Variants in ANKH observed in about 807,000 individuals in gnomAD.
ANKH encodes ANKH inorganic pyrophosphate transport regulator.
A neutral mutation model predicts 49.0 loss-of-function variants in ANKH; 15 were observed. That is an observed-to-expected ratio of 0.31 (90% CI 0.20 to 0.47). The LOEUF (loss-of-function observed/expected upper bound fraction) is 0.47. Among genes scored for constraint, ANKH ranks in the 20% least tolerant of loss-of-function variants. The probability of loss-of-function intolerance (pLI) is 1.00; values close to 1 mark genes in which losing one functional copy is unlikely to be tolerated. For missense variants in ANKH, 429 were observed against 652.0 expected, an observed-to-expected ratio of 0.66 and a Z score of 3.72; for synonymous variants, 273 against 260.0, an observed-to-expected ratio of 1.05 and a Z score of -0.48.
At chr5:14,793,072 TATATAAAA>T (rs1308897452) in intron 1 of ANKH, among the ~76,000 whole-genome samples, 5 of 107,432 alleles carry the variant, frequency 4.7e-5, no homozygotes, top group Admixed American at 1.0e-4. Context: ...TATATATAAA[TATATAAAA>T]ATATATATAT....
chr5:14,871,693 C>G lies in ANKH; in HGVS notation c.-246G>C. 6.2e-6 allele frequency: 1 copy of G among 161,000 alleles called. No homozygotes were observed. The highest frequency in any genetic ancestry group is 1.3e-5 in the Non-Finnish European group (1 of 76,240). The allele number at this position is 161,000 out of a possible 1,614,324, so 10.0% of individuals were successfully genotyped here. ...TGCTGCCCTCCCACACAACAAAGAT[C>G]TGCCGGGAAAAAAAAGAGGAGGGAC... is the stretch of plus-strand genomic sequence containing the variant. On this transcript the variant is annotated 5_prime_UTR_variant, in exon 1 of 12. Coordinates refer to ENST00000284268, the MANE Select transcript of ANKH (RefSeq NM_054027.6).
At chr5:14,774,788 T>G (rs1739558882) in intron 1 of ANKH, among the ~76,000 whole-genome samples, 1 of 152,172 alleles carries the variant, frequency 6.6e-6, no homozygotes, top group Non-Finnish European at 1.5e-5. Flanking sequence ...GACCTTTGTT[T>G]CACTGCTACA....
chr5:14,784,589 C>A (rs1194861476), intron 1 of ANKH, among the ~76,000 whole-genome samples: 1 of 152,114 alleles, frequency 6.6e-6, no homozygotes, highest in South Asian at 2.1e-4. Flanking sequence ...CTGTAGTGCC[C>A]TCATAAAGAA....
intron 9 of ANKH, among the ~76,000 whole-genome samples, chr5:14,714,849 A>G (rs1429188313): frequency 6.6e-6 from 1 of 152,240 alleles, no homozygotes; most frequent in African/African-American, 2.4e-5. Flanking sequence ...ATACTCAGCT[A>G]TAGCCTGCTC....
chr5:14,746,074 C>T lies in ANKH; in HGVS notation c.823-112G>A, dbSNP rs111650250. 4,602 of 811,314 alleles carry T rather than the reference C, an allele frequency of 5.7e-3. 18 individuals are homozygous for T. The highest frequency in any genetic ancestry group is 0.012 in the African/African-American group (702 of 59,638). The allele number at this position is 811,314 out of a possible 1,614,324, so 50.3% of individuals were successfully genotyped here. On this transcript the variant is annotated intron_variant, in intron 6 of 11. Coordinates refer to ENST00000284268, the MANE Select transcript of ANKH (RefSeq NM_054027.6). ...AGGTGCAGCCACTGAGGACAGAGCC[C>T]GCTACACTGGGTGACAAACATCAGG... is the stretch of plus-strand genomic sequence containing the variant.
chr5:14,772,466 T>C (rs373120933), intron 1 of ANKH, among the ~76,000 whole-genome samples: 2 of 152,212 alleles, frequency 1.3e-5, no homozygotes, highest in Admixed American at 1.3e-4. Context: ...TCTCTAATTG[T>C]TTTCCTTTTT....
intron 8 of ANKH, among the ~76,000 whole-genome samples, chr5:14,735,118 C>T (rs575185917): frequency 5.4e-4 from 82 of 152,326 alleles, no homozygotes; most frequent in Non-Finnish European, 9.4e-4. Context: ...TCAGTAGCTA[C>T]GGTGTCAATA....
chr5:14,748,354 G>C (rs538464679), intron 6 of ANKH, among the ~76,000 whole-genome samples: 3 of 152,362 alleles, frequency 2.0e-5, no homozygotes, highest in Admixed American at 6.5e-5. Context: ...ACTCTGGCTG[G>C]AGACATGCTG....
At chr5:14,715,792 C>T (rs1176881854) in intron 9 of ANKH, among the ~76,000 whole-genome samples, 3 of 152,202 alleles carry the variant, frequency 2.0e-5, no homozygotes, top group Non-Finnish European at 2.9e-5. Flanking sequence ...CTGATTTAAT[C>T]TAGAACAACC....
intron 8 of ANKH, among the ~76,000 whole-genome samples, chr5:14,734,596 G>A (rs905221526): frequency 2.0e-5 from 3 of 152,222 alleles, no homozygotes; most frequent in African/African-American, 7.2e-5. Context: ...GGTGGAACTC[G>A]GGTCAGGCAG....
intron 1 of ANKH, among the ~76,000 whole-genome samples, chr5:14,829,958 T>A (rs1229806460): frequency 6.6e-6 from 1 of 152,186 alleles, no homozygotes; most frequent in African/African-American, 2.4e-5. Flanking sequence ...ATTATCAATA[T>A]TCTATTTCTG....
At chr5:14,793,058 A>ATATATATATATAT (rs145425597) in intron 1 of ANKH, among the ~76,000 whole-genome samples, 1 of 85,414 alleles carries the variant, frequency 1.2e-5, no homozygotes, top group Non-Finnish European at 2.2e-5. Context: ...AAATATATAT[A>ATATATATATATAT]AAATATATAT....
At chr5:14,818,084 G>GAAA (rs34211280) in intron 1 of ANKH, among the ~76,000 whole-genome samples, 3 of 130,696 alleles carry the variant, frequency 2.3e-5, no homozygotes, top group African/African-American at 2.9e-5. Flanking sequence ...AAAAAAAAAG[G>GAAA]AAAAAAAAAA....
At chr5:14,821,617 C>T (rs1467971192) in intron 1 of ANKH, among the ~76,000 whole-genome samples, 1 of 152,180 alleles carries the variant, frequency 6.6e-6, no homozygotes, top group Non-Finnish European at 1.5e-5. Flanking sequence ...AAAACATAAA[C>T]ATTCACTAAG....
chr5:14,736,786 G>T (rs1478602170), intron 8 of ANKH, among the ~76,000 whole-genome samples: 1 of 152,168 alleles, frequency 6.6e-6, no homozygotes, highest in Non-Finnish European at 1.5e-5. Context: ...GCACAAAAGT[G>T]CCTGGCTGGC....
At chr5:14,789,314 A>G (rs776799982) in intron 1 of ANKH, among the ~76,000 whole-genome samples, 1 of 152,212 alleles carries the variant, frequency 6.6e-6, no homozygotes, top group Non-Finnish European at 1.5e-5. Context: ...CCTCAATGTT[A>G]GAATCGTTTT....
intron 2 of ANKH, 162 bp downstream of exon 2, chr5:14,768,813 A>G: frequency 2.6e-6 from 2 of 762,322 alleles, no homozygotes; most frequent in Non-Finnish European, 4.4e-6. Context: ...TATTGTCTTA[A>G]GCTAGGAGCA....
intron 8 of ANKH, among the ~76,000 whole-genome samples, chr5:14,721,744 C>T (rs547549233): frequency 1.3e-5 from 2 of 151,940 alleles, no homozygotes; most frequent in South Asian, 2.1e-4. Flanking sequence ...TCCTGGCTAA[C>T]ACGGTGAAAC....
intron 1 of ANKH, among the ~76,000 whole-genome samples, chr5:14,829,287 A>T (rs2126596224): frequency 6.6e-6 from 1 of 152,256 alleles, no homozygotes; most frequent in African/African-American, 2.4e-5. Context: ...GAAGAGTACA[A>T]GAGAATCCAG....
Sources: allele counts gnomAD v4.1 joint callset (sites outside exome capture counted in the v4.1 genomes callset), GRCh38; gene constraint gnomAD v4.1.1; transcripts MANE v1.5; gene names NCBI Gene and HGNC (gene_info 2026-07-23, HGNC 2026-07-21).